Variants in SEMA3G observed in about 807,000 individuals in gnomAD.
SEMA3G encodes semaphorin 3G.
Under a neutral mutation model 86.2 loss-of-function variants are expected in SEMA3G, and 70 were observed. The observed-to-expected ratio is 0.81, with a 90% CI of 0.67 to 0.99. SEMA3G has a LOEUF of 0.99. SEMA3G is among the 50% of genes least tolerant of loss of function. The probability of loss-of-function intolerance (pLI) is 0.00; values close to 1 mark genes in which losing one functional copy is unlikely to be tolerated. For missense variants in SEMA3G, 1,002 were observed against 1,072.4 expected (o/e 0.93, Z 0.92); for synonymous variants, 416 against 441.4 (o/e 0.94, Z 0.72).
At chr3:52,443,303 A>G (rs1706196638) in intron 1 of SEMA3G, among the ~76,000 whole-genome samples, 2 of 152,210 alleles carry the variant, frequency 1.3e-5, no homozygotes, top group South Asian at 2.1e-4. Context: ...CGCCTGGCTC[A>G]GCTGGAGGGT....
Position 52,440,813 on chromosome 3 carries a change from G to A in SEMA3G, c.939C>T (p.Phe313=). ...ETHFDQLEDV[F]LLWPKAGKSL... ...TCTTCCCGGCCTTGGGCCACAGCAG[G>A]AACACATCCTCTGGGGTAGAGAAAG... is the stretch of plus-strand genomic sequence containing the variant. Residue 313 remains phenylalanine (F), a synonymous_variant, in exon 9 of 16, where the codon TTC becomes TTT. Coordinates refer to ENST00000231721, the MANE Select transcript of SEMA3G (RefSeq NM_020163.3). 6.2e-7 allele frequency: 1 copy of A among 1,612,688 alleles called. No individual in the cohort carries two copies. Among genetic ancestry groups the A allele is most frequent in the South Asian group, 1.1e-5 (1 of 91,064 alleles).
chr3:52,439,579 GAC>G (rs1706106842), intron 12 of SEMA3G, 99 bp downstream of exon 12: 1 of 932,670 alleles, frequency 1.1e-6, no homozygotes, highest in South Asian at 1.4e-5. Flanking sequence ...ATTCAGTAAA[GAC>G]AGGCTGGCTC....
chr3:52,436,641 G>A (rs1706053682), intron 15 of SEMA3G, among the ~76,000 whole-genome samples: 1 of 152,258 alleles, frequency 6.6e-6, no homozygotes, highest in African/African-American at 2.4e-5. Context: ...CCCAGCCCAG[G>A]GTGGGCTGAT....
At chr3:52,437,264 G>A (rs1288007425) in intron 15 of SEMA3G, among the ~76,000 whole-genome samples, 1 of 152,152 alleles carries the variant, frequency 6.6e-6, no homozygotes, top group Non-Finnish European at 1.5e-5. Context: ...GAGACTTACT[G>A]GCCTGCCCAG....
At chr3:52,443,808 C>T (rs1210080012) in intron 1 of SEMA3G, among the ~76,000 whole-genome samples, 1 of 152,228 alleles carries the variant, frequency 6.6e-6, no homozygotes, top group Non-Finnish European at 1.5e-5. Context: ...ACCACATTCC[C>T]CTCAGCCTCT....
rs147259194 is a variant in SEMA3G at position 52,444,235 on chromosome 3, G to A, written c.115+678C>T. ...CCTCTCTGTCACTCTCCCCTGCCTG[G>A]TCCCTTCCTCTGTCTCCTCCCCATC... is the stretch of plus-strand genomic sequence containing the variant. On this transcript the variant is annotated intron_variant, in intron 1 of 15. Transcript: ENST00000231721. Among the ~76,000 whole-genome samples, 583 of 152,170 alleles carry A rather than the reference G, an allele frequency of 3.8e-3. 4 individuals are homozygous for A. Among genetic ancestry groups the A allele is most frequent in the South Asian group, 0.023 (113 of 4,828 alleles).
At chr3:52,437,423 C>G in intron 15 of SEMA3G, 104 bp downstream of exon 15, 1 of 1,255,630 alleles carries the variant, frequency 8.0e-7, no homozygotes, top group Admixed American at 2.3e-5. Context: ...TTAATCTTGG[C>G]AGATTCCCCC....
rs748767828 is a variant in SEMA3G at position 52,436,087 on chromosome 3, G to A, written c.1879-14C>T. ...GTCCGTCTTCACCTGCCATGCGGGC[G>A]GGAGGGCGTGAGTAGGGTGCAAGGT... On this transcript the variant is annotated splice_polypyrimidine_tract_variant and intron_variant, in intron 15 of 15. Coordinates refer to ENST00000231721, the MANE Select transcript of SEMA3G (RefSeq NM_020163.3). The A allele has an allele frequency of 8.1e-6, 13 of 1,596,286 alleles. No homozygotes were observed. The highest frequency in any genetic ancestry group is 5.6e-5 in the South Asian group (5 of 88,980).
At chr3:52,440,296 G>C in intron 10 of SEMA3G, 81 bp downstream of exon 10, 1 of 1,440,026 alleles carries the variant, frequency 6.9e-7, no homozygotes, top group South Asian at 1.4e-5. Context: ...GGGTGCATGG[G>C]GACATGAGGC....
Position 52,444,311 on chromosome 3 carries a change from C to A in SEMA3G, c.115+602G>T, listed in dbSNP as rs149295061. On this transcript the variant is annotated intron_variant, in intron 1 of 15. Transcript: ENST00000231721. ...ATCTGTCCCTTTCTCAGCACTCCCC[C>A]TCAGGTGCCTCCCACCGCCACCCTG... 1.9e-3 allele frequency among the ~76,000 whole-genome samples: 288 copies of A among 152,134 alleles called. 1 individual carries two copies. Among genetic ancestry groups the A allele is most frequent in the African/African-American group, 6.1e-3 (254 of 41,490 alleles).
intron 10 of SEMA3G, 55 bp downstream of exon 10, chr3:52,440,322 T>C: frequency 5.6e-6 from 8 of 1,431,606 alleles, no homozygotes; most frequent in Non-Finnish European, 7.4e-6. Flanking sequence ...CAAGGAGCCC[T>C]TCCCCACATC....
chr3:52,440,615 C>A, intron 9 of SEMA3G, 94 bp from the exon 10 acceptor site: 1 of 1,485,336 alleles, frequency 6.7e-7, no homozygotes, highest in Non-Finnish European at 9.1e-7. Flanking sequence ...GGTGACAGTG[C>A]CTGCAGCAAG....
Position 52,441,800 on chromosome 3 carries a change from T to G in SEMA3G, c.550+19A>C. 1.2e-6 allele frequency: 2 copies of G among 1,606,668 alleles called. No homozygotes were observed. The highest frequency in any genetic ancestry group is 2.2e-5 in the South Asian group (2 of 90,540). ...GCTGCCACCCTCCCTGTTCTCACCCTGGCCTGGGCATCACCCACCTATGAA... is the reference window on the plus strand; with the variant it reads ...GCTGCCACCCTCCCTGTTCTCACCCGGGCCTGGGCATCACCCACCTATGAA... On this transcript the variant is annotated intron_variant, in intron 5 of 15. Coordinates refer to ENST00000231721, the MANE Select transcript of SEMA3G (RefSeq NM_020163.3).
At chr3:52,443,687 G>C (rs548726208) in intron 1 of SEMA3G, among the ~76,000 whole-genome samples, 36 of 152,278 alleles carry the variant, frequency 2.4e-4, no homozygotes, top group African/African-American at 8.4e-4. Context: ...ACTCATCAAC[G>C]GTCTCTTCCG....
At position 52,441,898 on chromosome 3, in the gene SEMA3G, G is replaced by A. The variant is rs1356851983; in HGVS notation, c.471C>T (p.His157=). The change falls in exon 5 of 16, where the codon CAC becomes CAT. Residue 157 remains histidine, a synonymous_variant. Coordinates refer to ENST00000231721, the MANE Select transcript of SEMA3G (RefSeq NM_020163.3). ...CACTTTCCACACTGCCAGGCTCCAG[G>A]TGGAGCACATGCTAGTGGGAGGGAG... The part of the protein sequence containing the change: ...TVGHRGEHVL[H]LEPGSVESGR... 8 of 1,572,930 alleles carry A rather than the reference G, an allele frequency of 5.1e-6. No individual in the cohort carries two copies. The highest frequency in any genetic ancestry group is 6.9e-6 in the Non-Finnish European group (8 of 1,158,252).
At position 52,441,390 on chromosome 3, in the gene SEMA3G, G is replaced by A. The variant is rs368237957; in HGVS notation, c.687C>T (p.Ala229=). 1.9e-5 allele frequency: 31 copies of A among 1,613,626 alleles called. No homozygotes were observed. Among genetic ancestry groups the A allele is most frequent in the African/African-American group, 4.0e-5 (3 of 74,908 alleles). The change falls in exon 7 of 16, where the codon GCC becomes GCT. Residue 229 remains alanine, a synonymous_variant. Transcript: ENST00000231721. ...GGTCAGAGTTCTCAGGGATCCGGGC[G>A]GCCATCACAAACCGGGGGTCTGGAA... The part of the protein sequence containing the change: ...SLLHDPRFVM[A]ARIPENSDQD...
At position 52,439,971 on chromosome 3, in the gene SEMA3G, CG is replaced by C; in HGVS notation, c.1270del (p.Arg424AlafsTer204). The C allele has an allele frequency of 6.2e-7, 1 of 1,613,700 alleles. No homozygotes were observed. The highest frequency in any genetic ancestry group is 8.5e-7 in the Non-Finnish European group (1 of 1,179,970). Reference sequence around the variant, plus strand: ...CAGGTGGGTCTTGACAAGGACAGGGCGGCCATGTCGAGGCCGCACAGGCCAG... The same window carrying C: ...CAGGTGGGTCTTGACAAGGACAGGGCGCCATGTCGAGGCCGCACAGGCCAG... ...MFWPVRPRHG[R>X]PVLVKTHLAQ... On this transcript the variant is annotated frameshift_variant, in exon 11 of 16. Coordinates refer to ENST00000231721, the MANE Select transcript of SEMA3G (RefSeq NM_020163.3). LOFTEE classifies it high-confidence loss of function.
At chr3:52,439,503 G>A (rs1369893024) in intron 12 of SEMA3G, among the ~76,000 whole-genome samples, 177 bp downstream of exon 12, 2 of 152,124 alleles carry the variant, frequency 1.3e-5, no homozygotes, top group African/African-American at 2.4e-5. Context: ...CTGCCACAGC[G>A]GAGGTGCGGG....
intron 12 of SEMA3G, among the ~76,000 whole-genome samples, chr3:52,439,187 G>A (rs566995759): frequency 1.7e-4 from 26 of 152,264 alleles, no homozygotes; most frequent in African/African-American, 5.5e-4. Flanking sequence ...TGAAAGCACA[G>A]AGCTAGAGTG....
Sources: allele counts gnomAD v4.1 joint callset (sites outside exome capture counted in the v4.1 genomes callset), GRCh38; gene constraint gnomAD v4.1.1; transcripts MANE v1.5; gene names NCBI Gene and HGNC (gene_info 2026-07-23, HGNC 2026-07-21).